LCK: variants seen among roughly 807,000 people sequenced by gnomAD.
The protein encoded by LCK is tyrosine-protein kinase Lck.
LCK carries 14 observed loss-of-function variants against 64.6 expected under a neutral mutation model. That is an observed-to-expected ratio of 0.22 (90% confidence interval 0.14 to 0.34). The LOEUF (loss-of-function observed/expected upper bound fraction) is 0.34. Ranked by LOEUF, LCK falls within the 10% of genes least tolerant of loss-of-function variation. The pLI, the probability that LCK is intolerant of heterozygous loss-of-function variation, is 1.00. For missense variants in LCK, 434 were observed against 668.1 expected, an observed-to-expected ratio of 0.65 and a Z score of 3.86; for synonymous variants, 277 against 263.6, an observed-to-expected ratio of 1.05 and a Z score of -0.49.
At chr1:32,273,066 G>C (rs1168630200) in intron 1 of LCK, among the ~76,000 whole-genome samples, 1 of 146,834 alleles carries the variant, frequency 6.8e-6, no homozygotes, top group Non-Finnish European at 1.5e-5. Context: ...GTGGGAGCCT[G>C]TGTGTGTAGG....
At chr1:32,263,752 A>G (rs904963563) in intron 1 of LCK, among the ~76,000 whole-genome samples, 1 of 152,130 alleles carries the variant, frequency 6.6e-6, no homozygotes, top group African/African-American at 2.4e-5. Context: ...CATTACAAAA[A>G]ACACAAAAAT....
chr1:32,285,608 G>T lies in LCK; in HGVS notation c.1422G>T (p.Arg474Ser). ...NCPEELYQLM[R>S]LCWKERPEDR... The stretch of plus-strand genomic sequence containing the variant: ...CAGAGGAGCTGTACCAACTCATGAG[G>T]CTGTGCTGGAAGGAGCGCCCAGAGG... The change falls in exon 13 of 13, where the codon AGG becomes AGT. Residue 474 changes from arginine (R) to serine (S), a missense_variant. Arg to Ser is a moderately radical substitution (Grantham distance 110). Around this residue, in one of 2 missense-constraint regions of LCK, gnomAD observed 201 missense variants for 376.9 expected, o/e 0.53. Transcript: ENST00000336890. 6.2e-7 allele frequency: 1 copy of T among 1,614,230 alleles called. No individual in the cohort carries two copies. The highest frequency in any genetic ancestry group is 2.2e-5 in the East Asian group (1 of 44,882).
At chr1:32,281,636 C>A (rs139689826) in intron 12 of LCK, among the ~76,000 whole-genome samples, 2 of 151,968 alleles carry the variant, frequency 1.3e-5, no homozygotes, top group Non-Finnish European at 2.9e-5. Flanking sequence ...AAGGAACTTG[C>A]TAAGAAACTC....
Position 32,280,390 on chromosome 1 carries a change from C to T in LCK, c.1327+180C>T, listed in dbSNP as rs146940236. Among the ~76,000 whole-genome samples, 457 of 151,046 alleles carry T rather than the reference C, an allele frequency of 3.0e-3. 1 individual carries two copies. The highest frequency in any genetic ancestry group is 0.011 in the African/African-American group (434 of 41,074). The stretch of plus-strand genomic sequence containing the variant: ...ATCTCCCAGGGCTGGCTTCCATCTC[C>T]GTATCTCTCTTTAATAACCCCAGCT... On this transcript the variant is annotated intron_variant, in intron 12 of 12. Transcript: ENST00000336890.
chr1:32,256,455 A>G (rs1639635565), intron 1 of LCK, among the ~76,000 whole-genome samples: 1 of 151,902 alleles, frequency 6.6e-6, no homozygotes. Context: ...CAAATTAGCC[A>G]GGCGTGGTGG....
chr1:32,253,618 C>T (rs1218976647), intron 1 of LCK, among the ~76,000 whole-genome samples: 1 of 152,124 alleles, frequency 6.6e-6, no homozygotes, highest in Non-Finnish European at 1.5e-5. Context: ...TGGGGCACTC[C>T]CTCCCCCTGC....
chr1:32,285,311 GA>G (rs1231006018), intron 12 of LCK, among the ~76,000 whole-genome samples: 1 of 152,006 alleles, frequency 6.6e-6, no homozygotes, highest in Non-Finnish European at 1.5e-5. Context: ...CAAAAAAAAA[GA>G]AAAGGAAATA....
intron 1 of LCK, among the ~76,000 whole-genome samples, chr1:32,261,600 C>T (rs1394950111): frequency 6.9e-6 from 1 of 144,090 alleles, no homozygotes; most frequent in African/African-American, 2.6e-5. Flanking sequence ...GAGCCGAGAT[C>T]GTGCCACTGC....
At position 32,267,381 on chromosome 1, in the gene LCK, A is replaced by T. The variant is rs866994266; in HGVS notation, c.-5-6944A>T. ...CATGTTTGTTTAACTTACATGAATAAGGTCAGGAAACACTCATGCTCTGGA... is the reference window on the plus strand; with the variant it reads ...CATGTTTGTTTAACTTACATGAATATGGTCAGGAAACACTCATGCTCTGGA... On this transcript the variant is annotated intron_variant, in intron 1 of 12. Coordinates refer to ENST00000336890, the MANE Select transcript of LCK (RefSeq NM_005356.5). 1.6e-3 allele frequency among the ~76,000 whole-genome samples: 245 copies of T among 152,324 alleles called. 1 individual carries two copies. Among genetic ancestry groups the T allele is most frequent in the African/African-American group, 5.6e-3 (234 of 41,578 alleles).
intron 1 of LCK, among the ~76,000 whole-genome samples, chr1:32,258,056 G>T (rs1247417204): frequency 6.6e-6 from 1 of 151,958 alleles, no homozygotes; most frequent in Non-Finnish European, 1.5e-5. Flanking sequence ...GCCAAAGCAA[G>T]GGGACTGCTT....
chr1:32,252,990 C>A (rs544247563), intron 1 of LCK, among the ~76,000 whole-genome samples: 5 of 152,202 alleles, frequency 3.3e-5, no homozygotes, highest in South Asian at 2.1e-4. Context: ...ACAGGCCGAC[C>A]CAGTCACAAT....
Position 32,279,916 on chromosome 1 carries a change from T to A in LCK, c.1117T>A (p.Ser373Thr), listed in dbSNP as rs750324825. Residue 373 changes from serine to threonine, a missense_variant, in exon 11 of 13, where the codon TCT becomes ACT. This residue lies in a region of LCK where 201 missense variants were observed against 376.9 expected (regional missense o/e 0.53). Coordinates refer to ENST00000336890, the MANE Select transcript of LCK (RefSeq NM_005356.5). ...RDLRAANILVSDTLSCKIADF... is the reference protein window; with the variant it reads ...RDLRAANILVTDTLSCKIADF... Reference sequence around the variant, plus strand: ...CCTTCGGGCTGCCAACATTCTGGTGTCTGACACCCTGAGCTGCAAGATTGC... The same window carrying A: ...CCTTCGGGCTGCCAACATTCTGGTGACTGACACCCTGAGCTGCAAGATTGC... The A allele has an allele frequency of 1.2e-6, 2 of 1,614,214 alleles. No homozygotes were observed. The highest frequency in any genetic ancestry group is 1.7e-6 in the Non-Finnish European group (2 of 1,180,042).
At chr1:32,272,607 GAGAGAGAGAGAGAGAA>G (rs1329427607) in intron 1 of LCK, among the ~76,000 whole-genome samples, 3 of 138,396 alleles carry the variant, frequency 2.2e-5, no homozygotes, top group Non-Finnish European at 3.0e-5. Context: ...GAGAGAGAAA[GAGAGAGAGAGAGAGAA>G]AGAGAGAGAG....
In LCK at chr1:32,276,574, C is replaced by T. The variant is rs1392071344; in HGVS notation, c.785-33C>T. ...TGAGAGTCCCAGGACAGCTGCCTGGCGACTTTCCCACTCCTTCCCTTCCCC... is the reference window on the plus strand; with the variant it reads ...TGAGAGTCCCAGGACAGCTGCCTGGTGACTTTCCCACTCCTTCCCTTCCCC... On this transcript the variant is annotated intron_variant, in intron 8 of 12. Transcript: ENST00000336890. The surrounding 1 kb of genome is among the most constrained non-coding windows in gnomAD (Gnocchi z 4.6). 2 of 1,585,288 alleles carry T rather than the reference C, an allele frequency of 1.3e-6. No homozygotes were observed. The highest frequency in any genetic ancestry group is 2.3e-5 in the South Asian group (2 of 87,262).
chr1:32,279,149 C>G (rs1248841111), intron 9 of LCK, among the ~76,000 whole-genome samples: 1 of 152,186 alleles, frequency 6.6e-6, no homozygotes, highest in South Asian at 2.1e-4. Flanking sequence ...AAAGTTCCAG[C>G]ATGCCCATGG....
intron 12 of LCK, among the ~76,000 whole-genome samples, chr1:32,280,443 C>CTTTTTTTTTTTTTTTTTTTTTTTT (rs770430504): frequency 3.5e-5 from 3 of 84,744 alleles, no homozygotes; most frequent in African/African-American, 5.5e-5. Flanking sequence ...TTTTCTTTTT[C>CTTTTTTTTTTTTTTTTTTTTTTTT]TTTTTTTTTT....
intron 9 of LCK, among the ~76,000 whole-genome samples, chr1:32,278,799 A>T (rs1042475392): frequency 4.6e-5 from 7 of 152,030 alleles, no homozygotes; most frequent in Non-Finnish European, 1.0e-4. Context: ...TGTGTAGGTG[A>T]GGTCTTTGTC....
chr1:32,275,172 T>G lies in LCK; in HGVS notation c.278+89T>G. 2.7e-6 allele frequency: 4 copies of G among 1,477,548 alleles called. No homozygotes were observed. Among genetic ancestry groups the G allele is most frequent in the Non-Finnish European group, 3.7e-6 (4 of 1,067,066 alleles). 91.5% of individuals were successfully genotyped at this position (1,477,548 alleles called of 1,614,324 possible). A position where few individuals can be genotyped will look rare whatever the true frequency, so the allele number is the denominator to read the frequency against. ...AGCCCTCCTGCGGCCCTTGACCAGC[T>G]CGGGGTGGCCGCCCTTGGGACAAAA... is the stretch of plus-strand genomic sequence containing the variant. On this transcript the variant is annotated intron_variant, in intron 4 of 12. Coordinates refer to ENST00000336890, the MANE Select transcript of LCK (RefSeq NM_005356.5). This position sits in a 1 kb window ranked among gnomAD's most constrained non-coding sequence, Gnocchi z 6.9.
intron 1 of LCK, among the ~76,000 whole-genome samples, chr1:32,272,908 A>G (rs1640142920): frequency 1.6e-5 from 2 of 121,420 alleles, no homozygotes; most frequent in Non-Finnish European, 1.7e-5. Context: ...GAGTGTGTGG[A>G]GGTGCCTGTG....
Sources: allele counts gnomAD v4.1 joint callset (sites outside exome capture counted in the v4.1 genomes callset), GRCh38; gene constraint gnomAD v4.1.1; regional missense constraint gnomAD v4.1.1; non-coding constraint Gnocchi (gnomAD v3.1); transcripts MANE v1.5; gene names NCBI Gene and HGNC (gene_info 2026-07-23, HGNC 2026-07-21).